Variants in ZAN observed in about 807,000 individuals in gnomAD.
The protein encoded by ZAN is zonadhesin (gene/pseudogene).
A neutral mutation model predicts 286.2 loss-of-function variants in ZAN; 260 were observed. The ratio of observed to expected loss-of-function variants is 0.91; its 90% confidence interval spans 0.82 to 1.01. ZAN has a LOEUF of 1.01. ZAN is among the 50% of genes least tolerant of loss of function. The pLI, the probability that ZAN is intolerant of heterozygous loss-of-function variation, is 0.00. For synonymous variants in ZAN, 1,368 were observed against 1,417.5 expected (o/e 0.97, Z 0.79); for missense variants, 3,410 against 3,639.2 (o/e 0.94, Z 1.62).
chr7:100,766,949 T>G lies in ZAN; in HGVS notation c.4613-61T>G, dbSNP rs1434487732. The G allele has an allele frequency of 5.6e-6, 9 of 1,596,452 alleles. No individual in the cohort carries two copies. In the East Asian group the frequency reaches 1.8e-4, roughly 32 times the overall value. On this transcript the variant is annotated intron_variant, in intron 24 of 47. Transcript: ENST00000613979. ...TGTGGGCTCTCCAGGATGGCAGCTCTGAGTCAAAGCTTCCGGGGCATGGAG... is the reference window on the plus strand; with the variant it reads ...TGTGGGCTCTCCAGGATGGCAGCTCGGAGTCAAAGCTTCCGGGGCATGGAG...
intron 7 of ZAN, among the ~76,000 whole-genome samples, chr7:100,738,876 TCCC>T (rs34669691): frequency 0.36 from 7,179 of 19,834 alleles, 1,205 homozygotes; most frequent in Non-Finnish European, 0.5. Flanking sequence ...CTTCTTCTTC[TCCC>T]TCTCCCTCTC....
In ZAN at chr7:100,758,240, T is replaced by C; in HGVS notation, c.3348T>C (p.His1116=). The C allele has an allele frequency of 6.2e-7, 1 of 1,613,452 alleles. No homozygotes were observed. The part of the protein sequence containing the change: ...AEWFSPNCTE[H]CRCWPGSRVE... ...GGTTCAGCCCCAACTGCACAGAACA[T>C]TGCCGCTGCTGGCCCGGCAGTCGGG... Residue 1116 remains histidine (H), a synonymous_variant, in exon 16 of 48, where the codon CAT becomes CAC. Coordinates refer to ENST00000613979, the MANE Select transcript of ZAN (RefSeq NM_003386.3).
At chr7:100,768,571 G>A (rs757860350) in intron 26 of ZAN, 39 bp from the exon 27 acceptor site, 2 of 1,537,324 alleles carry the variant, frequency 1.3e-6, no homozygotes, top group East Asian at 2.4e-5. Flanking sequence ...GCCTGCTGGG[G>A]GGCCCCTTCT....
chr7:100,767,984 T>C lies in ZAN; in HGVS notation c.5014T>C (p.Tyr1672His). 6.2e-7 allele frequency: 1 copy of C among 1,613,646 alleles called. No homozygotes were observed. The highest frequency in any genetic ancestry group is 2.2e-5 in the East Asian group (1 of 44,890). ...HLVEVTVPSS[Y>H]GGQLCGLCGN... ...GGTGGAAGTGACAGTCCCCTCCTCC[T>C]ATGGCGGCCAGCTCTGTGGGCTGTG... Residue 1672 changes from tyrosine (Y) to histidine (H), a missense_variant, in exon 26 of 48, where the codon TAT becomes CAT. Tyr to His is a moderately conservative substitution (Grantham distance 83). Around this residue, in one of 7 missense-constraint regions of ZAN, gnomAD observed 1,042 missense variants for 1,058.0 expected, o/e 0.98. Transcript: ENST00000613979.
rs372152555 is a variant in ZAN at position 100,784,707 on chromosome 7, A to C, written c.6707A>C (p.Glu2236Ala). ...PSCWDLDGRC[E>A]GAKVPSACAE... ...TGCTGGGACCTGGATGGCCGGTGTG[A>C]GGGCGCCAAAGTCCCCTCTGCCTGC... Residue 2236 changes from glutamate (E) to alanine (A), a missense_variant, in exon 36 of 48, where the codon GAG becomes GCG. Physicochemically the swap from Glu to Ala is moderately radical, Grantham distance 107 (BLOSUM62 -1). This residue lies in a region of ZAN where 1,289 missense variants were observed against 1,314.3 expected (regional missense o/e 0.98). Transcript: ENST00000613979. The C allele has an allele frequency of 1.1e-4, 185 of 1,613,866 alleles. 2 individuals are homozygous for C. The South Asian group carries it at 1.5e-3, about 13-fold the overall frequency.
chr7:100,750,163 A>G, intron 11 of ZAN, among the ~76,000 whole-genome samples: 1 of 149,472 alleles, frequency 6.7e-6, no homozygotes. Context: ...TTTGAGATGG[A>G]GTCTTGCTCT....
At chr7:100,797,193 G>A (rs1812416787) in intron 45 of ZAN, among the ~76,000 whole-genome samples, 173 bp from the exon 46 acceptor site, 1 of 152,134 alleles carries the variant, frequency 6.6e-6, no homozygotes, top group Non-Finnish European at 1.5e-5. Flanking sequence ...GGGGCACTAA[G>A]ACCTTGGAGT....
At position 100,775,656 on chromosome 7, in the gene ZAN, T is replaced by C. The variant is rs1810720212; in HGVS notation, c.6028-13T>C. 4.3e-6 allele frequency: 7 copies of C among 1,613,594 alleles called. No individual in the cohort carries two copies. Among genetic ancestry groups the C allele is most frequent in the Non-Finnish European group, 5.9e-6 (7 of 1,179,658 alleles). On this transcript the variant is annotated splice_polypyrimidine_tract_variant and intron_variant, in intron 32 of 47. Transcript: ENST00000613979. ...TCCCTGCTCCTACTCACCGTCACTG[T>C]CCTCCTGTTTAGATCAACAGCAAAC... is the stretch of plus-strand genomic sequence containing the variant.
intron 14 of ZAN, 67 bp from the exon 15 acceptor site, chr7:100,755,159 G>A: frequency 6.6e-7 from 1 of 1,512,488 alleles, no homozygotes; most frequent in African/African-American, 1.4e-5. Context: ...GGGGGTAGAG[G>A]AGAGACAGGG....
chr7:100,748,100 G>A (rs1347315517), intron 9 of ZAN, 37 bp from the exon 10 acceptor site: 1 of 1,579,780 alleles, frequency 6.3e-7, no homozygotes, highest in Non-Finnish European at 8.7e-7. Context: ...GGTGTGGGCT[G>A]TGTGCTCACT....
At chr7:100,746,724 G>A in intron 8 of ZAN, 22 bp downstream of exon 8, 1 of 1,612,954 alleles carries the variant, frequency 6.2e-7, no homozygotes, top group Non-Finnish European at 8.5e-7. Flanking sequence ...GAATTAATGG[G>A]ATTTACACTG....
chr7:100,760,261 A>T (rs1170298210), intron 18 of ZAN, 130 bp from the exon 19 acceptor site: 4 of 1,248,032 alleles, frequency 3.2e-6, no homozygotes, highest in Admixed American at 2.2e-5. Context: ...GCTCCAGTCC[A>T]CTCCTGGTGG....
chr7:100,789,244 C>T lies in ZAN; in HGVS notation c.7254C>T (p.Pro2418=). 1.2e-6 allele frequency: 2 copies of T among 1,613,890 alleles called. No individual in the cohort carries two copies. The highest frequency in any genetic ancestry group is 2.2e-5 in the East Asian group (1 of 44,880). Residue 2418 remains proline, a synonymous_variant, in exon 39 of 48, where the codon CCC becomes CCT. Coordinates refer to ENST00000613979, the MANE Select transcript of ZAN (RefSeq NM_003386.3). ...LVVNNQKMAV[P]YRPNEHLRVT... Reference sequence around the variant, plus strand: ...TCAACAACCAGAAGATGGCCGTCCCCTACAGGCCAAATGAACACCTGCGGG... The same window carrying T: ...TCAACAACCAGAAGATGGCCGTCCCTTACAGGCCAAATGAACACCTGCGGG...
At chr7:100,753,334 A>G (rs1808918446) in intron 14 of ZAN, 105 bp downstream of exon 14, 4 of 1,265,768 alleles carry the variant, frequency 3.2e-6, no homozygotes, top group Middle Eastern at 2.1e-4. Flanking sequence ...AGTTGCTTCT[A>G]GATGCTTCTA....
In ZAN at chr7:100,750,857, CT is replaced by C; in HGVS notation, c.1483del (p.Ser495ProfsTer34). The C allele has an allele frequency of 1.3e-6, 2 of 1,574,302 alleles. No individual in the cohort carries two copies. The highest frequency in any genetic ancestry group is 1.7e-6 in the Non-Finnish European group (2 of 1,158,086). ...CTCAGCGCCCTTACTGGCAGAACAC[CT>C]CCGTCACCGTCCCCTCAGGACACCA... ...GSQRPYWQNTSVTVPSGHQQP... is the reference protein window; with the variant it reads ...GSQRPYWQNTXVTVPSGHQQP... On this transcript the variant is annotated frameshift_variant, in exon 12 of 48. Coordinates refer to ENST00000613979, the MANE Select transcript of ZAN (RefSeq NM_003386.3). LOFTEE classifies it high-confidence loss of function.
rs115190259 is a variant in ZAN at position 100,793,761 on chromosome 7, C to T, written c.7788-59C>T. The T allele has an allele frequency of 9.7e-4, 1,471 of 1,520,946 alleles. 13 individuals are homozygous for T. The African/African-American group carries it at 0.018, about 19-fold the overall frequency. 94.2% of individuals were successfully genotyped at this position (1,520,946 alleles called of 1,614,324 possible). A position where few individuals can be genotyped will look rare whatever the true frequency, so the allele number is the denominator to read the frequency against. ...CCTACTCTGAGTTTTATCGGGTGAC[C>T]TTGCCCCTGTTTGGCCTGCCCAGCC... On this transcript the variant is annotated intron_variant, in intron 42 of 47. Transcript: ENST00000613979.
At chr7:100,791,227 T>TA in intron 40 of ZAN, 114 bp downstream of exon 40, 1 of 1,336,700 alleles carries the variant, frequency 7.5e-7, no homozygotes, top group Non-Finnish European at 1.0e-6. Context: ...AGGGTGCAGA[T>TA]AGGCCTGGAT....
rs1475430535 is a variant in ZAN, at chr7:100,763,141, TTTTA to T, written c.3987-664_3987-661del. Among the ~76,000 whole-genome samples the T allele has an allele frequency of 6.6e-6, 1 of 151,800 alleles. No homozygotes were observed. Among genetic ancestry groups the T allele is most frequent in the African/African-American group, 2.4e-5 (1 of 41,316 alleles). On this transcript the variant is annotated intron_variant, in intron 20 of 47. Coordinates refer to ENST00000613979, the MANE Select transcript of ZAN (RefSeq NM_003386.3). This position sits in a 1 kb window ranked among gnomAD's most constrained non-coding sequence, Gnocchi z 4.6. ...CACCACACCTGTCTGATTTTTGTATTTTTAGTAGAGACGGGGTTTCATCATGTTG... is the reference window on the plus strand; with the variant it reads ...CACCACACCTGTCTGATTTTTGTATTGTAGAGACGGGGTTTCATCATGTTG...
At chr7:100,738,275 C>T (rs1319191381) in intron 6 of ZAN, among the ~76,000 whole-genome samples, 186 bp from the exon 7 acceptor site, 1 of 140,270 alleles carries the variant, frequency 7.1e-6, no homozygotes, top group African/African-American at 2.6e-5. Flanking sequence ...AAAATTAGCT[C>T]GGCATGGTGG....
Sources: gnomAD v4.1 joint callset for allele counts (sites outside exome capture counted in the v4.1 genomes callset) on GRCh38, gnomAD v4.1.1 for gene constraint, gnomAD v4.1.1 regional missense constraint, Gnocchi (gnomAD v3.1) non-coding constraint, MANE v1.5 for transcripts, NCBI Gene and HGNC (gene_info 2026-07-23, HGNC 2026-07-21) for gene names.